The following FANCD2 variants were observed in gnomAD, a reference collection of about 807,000 sequenced individuals.
FANCD2 encodes FA complementation group D2.
In FANCD2, 131 loss-of-function variants were observed where a neutral mutation model predicts 192.3. The observed-to-expected ratio is 0.68, with a 90% CI of 0.59 to 0.79. FANCD2 has a LOEUF of 0.79. Among genes scored for constraint, FANCD2 ranks in the 30% least tolerant of loss-of-function variants. The pLI, the probability that FANCD2 is intolerant of heterozygous loss-of-function variation, is 0.00. For synonymous variants in FANCD2, 524 were observed against 612.5 expected (o/e 0.86, Z 2.13); for missense variants, 1,508 against 1,701.6 (o/e 0.89, Z 2.00).
At chr3:10,084,265 T>C (rs900009646) in intron 32 of FANCD2, among the ~76,000 whole-genome samples, 6 of 150,392 alleles carry the variant, frequency 4.0e-5, no homozygotes, top group Admixed American at 2.6e-4. Context: ...GTGCTGGGAT[T>C]ACAGGTGTGA....
At chr3:10,062,066 A>C (rs573171368) in intron 19 of FANCD2, 85 bp from the exon 20 acceptor site, 1 of 954,186 alleles carries the variant, frequency 1.0e-6, no homozygotes, top group South Asian at 1.4e-5. Flanking sequence ...ACATGTATAC[A>C]TATGTAACAA....
Position 10,060,381 on chromosome 3 carries a change from G to T in FANCD2, c.1744G>T (p.Ala582Ser). 1 of 1,613,838 alleles carries T rather than the reference G, an allele frequency of 6.2e-7. No homozygotes were observed. The highest frequency in any genetic ancestry group is 8.5e-7 in the Non-Finnish European group (1 of 1,179,872). Reference protein sequence around the residue: ...LIGIIGAVTMAGIMAADRSES... With the variant: ...LIGIIGAVTMSGIMAADRSES... ...TGGGATTATTGGTGCTGTGACCATG[G>T]CTGGCATCATGGCGGCAGACAGGTA... The change falls in exon 19 of 44, where the codon GCT (alanine) becomes TCT (serine). Residue 582 changes from alanine to serine, a missense_variant. Coordinates refer to ENST00000675286, the MANE Select transcript of FANCD2 (RefSeq NM_001018115.3).
At chr3:10,058,204 C>G in intron 18 of FANCD2, 1 of 285,342 alleles carries the variant, frequency 3.5e-6, no homozygotes, top group Non-Finnish European at 7.0e-6. Context: ...TAGGCCCACT[C>G]TTGTGCTTGT....
rs369598129 is a variant in FANCD2, at chr3:10,051,119, G to C, written c.1546-1268G>C. 3.3e-5 allele frequency among the ~76,000 whole-genome samples: 5 copies of C among 150,984 alleles called. No homozygotes were observed. In the South Asian group the frequency reaches 8.4e-4, roughly 25 times the overall value. On this transcript the variant is annotated intron_variant, in intron 17 of 43. Coordinates refer to ENST00000675286, the MANE Select transcript of FANCD2 (RefSeq NM_001018115.3). Reference sequence around the variant, plus strand: ...AGTGAGGCCGGGCGCGGTGGCTCACGCCTGTAATCCCAGCACTTTGGGAGG... The same window carrying C: ...AGTGAGGCCGGGCGCGGTGGCTCACCCCTGTAATCCCAGCACTTTGGGAGG...
intron 40 of FANCD2, 83 bp from the exon 41 acceptor site, chr3:10,095,117 G>T: frequency 1.7e-6 from 2 of 1,180,116 alleles, no homozygotes; most frequent in Non-Finnish European, 2.5e-6. Flanking sequence ...TATCCTCTTT[G>T]GAGCTTTTGA....
Position 10,034,733 on chromosome 3 carries a change from T to G in FANCD2, c.312T>G (p.Ile104Met), listed in dbSNP as rs1377091666. The change falls in exon 5 of 44, where the codon ATT becomes ATG. Residue 104 changes from isoleucine (I) to methionine (M), a missense_variant. Physicochemically the swap from Ile to Met is conservative, Grantham distance 10. This residue lies in a region of FANCD2 where 435 missense variants were observed against 421.9 expected (regional missense o/e 1.03). Transcript: ENST00000675286. ...EEFVSGLESY[I>M]EDEDSFRNCL... The stretch of plus-strand genomic sequence containing the variant: ...TTGTTAGTGGCCTGGAGTCTTACAT[T>G]GAGGATGAAGACAGTTTCAGGAACT... The G allele has an allele frequency of 6.4e-7, 1 of 1,572,914 alleles. No individual in the cohort carries two copies.
chr3:10,052,375 T>C lies in FANCD2; in HGVS notation c.1546-12T>C. ...GCTGCTAGCCTCATTGTTGGCATCA[T>C]TTTTTCCACAGGGCATTTTAGATTA... On this transcript the variant is annotated splice_polypyrimidine_tract_variant and intron_variant, in intron 17 of 43. Coordinates refer to ENST00000675286, the MANE Select transcript of FANCD2 (RefSeq NM_001018115.3). The C allele has an allele frequency of 6.5e-7, 1 of 1,547,084 alleles. No individual in the cohort carries two copies. Among genetic ancestry groups the C allele is most frequent in the East Asian group, 2.2e-5 (1 of 44,542 alleles).
Position 10,067,303 on chromosome 3 carries a change from A to G in FANCD2, c.2480A>G (p.Glu827Gly). The change falls in exon 26 of 44, where the codon GAA becomes GGA. Residue 827 changes from glutamate (E) to glycine (G), a missense_variant. This residue lies in a region of FANCD2 where 796 missense variants were observed against 879.4 expected (regional missense o/e 0.91). Transcript: ENST00000675286. ...KHIVELQIIL[E>G]KYLAVTPDYV... ...ATTGTAGAATTGCAAATAATCCTGG[A>G]AAAGTACTTGGCAGGTAAGAGAAGT... The G allele has an allele frequency of 6.2e-7, 1 of 1,608,734 alleles. No individual in the cohort carries two copies.
At chr3:10,047,462 G>A (rs1261608215) in intron 15 of FANCD2, among the ~76,000 whole-genome samples, 1 of 152,308 alleles carries the variant, frequency 6.6e-6, no homozygotes, top group African/African-American at 2.4e-5. Context: ...TAATGTCTAT[G>A]TACATTGAAT....
chr3:10,032,798 T>C, intron 2 of FANCD2, 34 bp from the exon 3 acceptor site: 1 of 1,585,180 alleles, frequency 6.3e-7, no homozygotes, highest in South Asian at 1.1e-5. Context: ...TCCTTTACTA[T>C]TTGCCATATT....
At chr3:10,089,101 A>G (rs1694418106) in intron 36 of FANCD2, 151 bp downstream of exon 36, 1 of 845,120 alleles carries the variant, frequency 1.2e-6, no homozygotes, top group Non-Finnish European at 1.9e-6. Context: ...CTTGGCCAAC[A>G]TAGTGAAACC....
rs1246851861 is a variant in FANCD2, at chr3:10,034,726, C to T, written c.305C>T (p.Ser102Phe). The T allele has an allele frequency of 6.4e-7, 1 of 1,571,868 alleles. No individual in the cohort carries two copies. The highest frequency in any genetic ancestry group is 1.3e-5 in the African/African-American group (1 of 74,126). ...IIEEFVSGLE[S>F]YIEDEDSFRN... ...GAAGAATTTGTTAGTGGCCTGGAGT[C>T]TTACATTGAGGATGAAGACAGTTTC... Residue 102 changes from serine (S) to phenylalanine (F), a missense_variant, in exon 5 of 44, where the codon TCT (serine) becomes TTT (phenylalanine). Ser to Phe is a radical substitution (Grantham distance 155). This residue lies in a region of FANCD2 where 435 missense variants were observed against 421.9 expected (regional missense o/e 1.03). Transcript: ENST00000675286.
Position 10,043,115 on chromosome 3 carries a change from T to G in FANCD2, c.954T>G (p.Ala318=). Residue 318 remains alanine, a synonymous_variant, in exon 12 of 44, where the codon GCT becomes GCG. Coordinates refer to ENST00000675286, the MANE Select transcript of FANCD2 (RefSeq NM_001018115.3). ...GTGTTTTGCCATCACGGTTACAGGC[T>G]TCCCAAGTAAAGTTGAAAAGTAAAG... ...QHCVLPSRLQ[A]SQVKLKSKGR... 6.2e-7 allele frequency: 1 copy of G among 1,614,106 alleles called. No individual in the cohort carries two copies. Among genetic ancestry groups the G allele is most frequent in the Non-Finnish European group, 8.5e-7 (1 of 1,180,016 alleles).
rs1018250088 is a variant in FANCD2 at position 10,062,137 on chromosome 3, T to A, written c.1767-14T>A. 2.3e-5 allele frequency: 36 copies of A among 1,599,824 alleles called. No individual in the cohort carries two copies. In the Admixed American group the frequency reaches 5.4e-4, roughly 24 times the overall value. On this transcript the variant is annotated splice_polypyrimidine_tract_variant and intron_variant, in intron 19 of 43. Coordinates refer to ENST00000675286, the MANE Select transcript of FANCD2 (RefSeq NM_001018115.3). ...AGTATAATAATAATTTAAAAAAAAA[T>A]TCTTTGTTTTTAGAAGTGAATCACC...
chr3:10,056,272 C>G (rs2087409461), intron 18 of FANCD2, among the ~76,000 whole-genome samples: 1 of 152,204 alleles, frequency 6.6e-6, no homozygotes, highest in African/African-American at 2.4e-5. Context: ...AATAATGTTG[C>G]TGTGACCATT....
intron 18 of FANCD2, among the ~76,000 whole-genome samples, chr3:10,055,757 A>C (rs1221716448): frequency 6.6e-6 from 1 of 151,976 alleles, no homozygotes; most frequent in African/African-American, 2.4e-5. Context: ...GCTTGCAGTG[A>C]GCCGAGATCG....
intron 29 of FANCD2, among the ~76,000 whole-genome samples, chr3:10,077,745 T>C (rs1242483941): frequency 6.6e-6 from 1 of 151,626 alleles, no homozygotes; most frequent in Non-Finnish European, 1.5e-5. Context: ...AAAAATTCGC[T>C]GGGCCCAGGT....
chr3:10,065,734 TA>T (rs1206168686), intron 24 of FANCD2, 129 bp from the exon 25 acceptor site: 3 of 728,166 alleles, frequency 4.1e-6, no homozygotes, highest in Non-Finnish European at 7.5e-6. Context: ...GCAAATATTT[TA>T]ATCAGATCTT....
rs748630648 is a variant in FANCD2 at position 10,094,311 on chromosome 3, C to T, written c.3911C>T (p.Ala1304Val). Residue 1304 changes from alanine (A) to valine (V), a missense_variant, in exon 40 of 44, where the codon GCA becomes GTA. Around this residue, in one of 5 missense-constraint regions of FANCD2, gnomAD observed 796 missense variants for 879.4 expected, o/e 0.91. Transcript: ENST00000675286. ...CAGTATGGGCGTCTCTTTGTGGAAG[C>T]ATTTCTGAAGCAATGTATGCCGCTC... ...CLKYGRLFVE[A>V]FLKQCMPLLD... 1 of 1,614,052 alleles carries T rather than the reference C, an allele frequency of 6.2e-7. No homozygotes were observed. The highest frequency in any genetic ancestry group is 1.1e-5 in the South Asian group (1 of 91,082).
Sources: gnomAD v4.1 joint callset for allele counts (sites outside exome capture counted in the v4.1 genomes callset) on GRCh38, gnomAD v4.1.1 for gene constraint, gnomAD v4.1.1 regional missense constraint, MANE v1.5 for transcripts, NCBI Gene and HGNC (gene_info 2026-07-23, HGNC 2026-07-21) for gene names.